The following RAPGEF5 variants were observed in gnomAD, a reference collection of about 807,000 sequenced individuals.
RAPGEF5 encodes the protein M-Ras-regulated GEF.
A neutral mutation model predicts 125.2 loss-of-function variants in RAPGEF5; 65 were observed. The observed-to-expected ratio is 0.52, with a 90% confidence interval of 0.43 to 0.64. The LOEUF (loss-of-function observed/expected upper bound fraction) is 0.64, where lower values mean the gene tolerates loss of function less well. Among genes scored for constraint, RAPGEF5 ranks in the 30% least tolerant of loss-of-function variants. The pLI, the probability that RAPGEF5 is intolerant of heterozygous loss-of-function variation, is 0.00. For synonymous variants in RAPGEF5, 391 were observed against 385.9 expected, an observed-to-expected ratio of 1.01 and a Z score of -0.16; for missense variants, 958 against 1,048.1, an observed-to-expected ratio of 0.91 and a Z score of 1.19.
intron 5 of RAPGEF5, among the ~76,000 whole-genome samples, chr7:22,302,779 C>T (rs1422093022): frequency 2.7e-5 from 4 of 148,520 alleles, no homozygotes; most frequent in African/African-American, 4.9e-5. Context: ...ACCCCACCCC[C>T]GCCTTTTTTT....
intron 20 of RAPGEF5, 93 bp downstream of exon 20, chr7:22,144,951 C>T (rs983574227): frequency 1.5e-5 from 21 of 1,407,590 alleles, no homozygotes; most frequent in Middle Eastern, 5.1e-4. Flanking sequence ...CGTTTATATC[C>T]CAACCCTTAT....
At chr7:22,198,566 C>T (rs1009633671) in intron 9 of RAPGEF5, among the ~76,000 whole-genome samples, 8 of 152,122 alleles carry the variant, frequency 5.3e-5, no homozygotes, top group African/African-American at 1.9e-4. Context: ...AGTTACTGGA[C>T]CATTAATACC....
intron 11 of RAPGEF5, among the ~76,000 whole-genome samples, chr7:22,172,551 A>C (rs1439819355): frequency 6.6e-6 from 1 of 152,198 alleles, no homozygotes; most frequent in Non-Finnish European, 1.5e-5. Flanking sequence ...GAAGCTCTAA[A>C]AATTCCCATT....
chr7:22,247,044 G>A (rs1786495201), intron 7 of RAPGEF5, among the ~76,000 whole-genome samples: 1 of 152,186 alleles, frequency 6.6e-6, no homozygotes, highest in African/African-American at 2.4e-5. Flanking sequence ...TCTGACACCA[G>A]TCAGAATGGC....
At position 22,291,227 on chromosome 7, in the gene RAPGEF5, A is replaced by G; in HGVS notation, c.695T>C (p.Ile232Thr). 2 of 1,562,240 alleles carry G rather than the reference A, an allele frequency of 1.3e-6. No individual in the cohort carries two copies. The highest frequency in any genetic ancestry group is 1.7e-6 in the Non-Finnish European group (2 of 1,156,240). Reference protein sequence around the residue: ...GGICELSHQKIEDSEESSDEI... With the variant: ...GGICELSHQKTEDSEESSDEI... ...ATCACTGCTTTCTTCGGAGTCTTCA[A>G]TTTTCTGATGAGACCTAAAAAAAAA... Residue 232 changes from isoleucine to threonine, a missense_variant, in exon 6 of 26, where the codon ATT becomes ACT. Physicochemically the swap from Ile to Thr is moderately conservative, Grantham distance 89. Coordinates refer to ENST00000665637, the MANE Select transcript of RAPGEF5 (RefSeq NM_012294.5).
intron 10 of RAPGEF5, 134 bp from the exon 11 acceptor site, chr7:22,193,589 G>C: frequency 6.4e-7 from 1 of 1,551,206 alleles, no homozygotes; most frequent in Non-Finnish European, 8.7e-7. Context: ...GGCAGCTCTC[G>C]GTCTGAGAGC....
intron 23 of RAPGEF5, among the ~76,000 whole-genome samples, chr7:22,131,421 G>A (rs1271766769): frequency 6.6e-6 from 1 of 152,172 alleles, no homozygotes; most frequent in Admixed American, 6.5e-5. Context: ...ATTCCATTAT[G>A]TGTTTAAGTC....
At chr7:22,165,346 T>A (rs1583435527) in intron 12 of RAPGEF5, among the ~76,000 whole-genome samples, 1 of 152,182 alleles carries the variant, frequency 6.6e-6, no homozygotes, top group African/African-American at 2.4e-5. Flanking sequence ...TCATTTGTTA[T>A]AAGTATATTT....
At chr7:22,165,149 G>A (rs563036407) in intron 12 of RAPGEF5, among the ~76,000 whole-genome samples, 1 of 152,110 alleles carries the variant, frequency 6.6e-6, no homozygotes, top group South Asian at 2.1e-4. Context: ...TTTGATTATC[G>A]GTAAAAAGGC....
rs368812274 is a variant in RAPGEF5, at chr7:22,145,129, G to A, written c.2101C>T (p.Leu701Phe). The A allele has an allele frequency of 2.7e-5, 43 of 1,613,710 alleles. No individual in the cohort carries two copies. Among genetic ancestry groups the A allele is most frequent in the Non-Finnish European group, 3.4e-5 (40 of 1,179,818 alleles). The change falls in exon 20 of 26, where the codon CTT becomes TTT. Residue 701 changes from leucine (L) to phenylalanine (F), a missense_variant. Transcript: ENST00000665637. ...AGCAGAATCTCCGTGGCCACCCAAA[G>A]CTGGACCTCATTGCATCTCTGGAGC... ...LLLQRCNEVQ[L>F]WVATEILLCS...
Position 22,257,400 on chromosome 7 carries a change from T to A in RAPGEF5, c.796+9564A>T, listed in dbSNP as rs111600262. Among the ~76,000 whole-genome samples the A allele has an allele frequency of 9.3e-3, 1,419 of 152,294 alleles. 30 individuals are homozygous for A. Among genetic ancestry groups the A allele is most frequent in the African/African-American group, 0.032 (1,329 of 41,554 alleles). ...ACCTCCTAAAATCACAATAAGAAGT[T>A]TACCTTTCTCTGACAGTCACTGACT... is the stretch of plus-strand genomic sequence containing the variant. On this transcript the variant is annotated intron_variant, in intron 7 of 25. Coordinates refer to ENST00000665637, the MANE Select transcript of RAPGEF5 (RefSeq NM_012294.5).
chr7:22,138,367 G>A (rs913739118), intron 21 of RAPGEF5, among the ~76,000 whole-genome samples: 10 of 152,294 alleles, frequency 6.6e-5, no homozygotes, highest in Middle Eastern at 3.4e-3. Context: ...CTGCAACAGA[G>A]ACCATGTGGC....
intron 1 of RAPGEF5, among the ~76,000 whole-genome samples, chr7:22,339,016 G>T (rs987499103): frequency 6.6e-6 from 1 of 152,212 alleles, no homozygotes. Flanking sequence ...AAGATCTCAG[G>T]AGGTGGGTGA....
intron 7 of RAPGEF5, among the ~76,000 whole-genome samples, chr7:22,250,590 T>C (rs974446337): frequency 1.2e-4 from 18 of 152,134 alleles, no homozygotes; most frequent in African/African-American, 4.3e-4. Flanking sequence ...AGCTGGGTCA[T>C]ACGGCCAGGA....
chr7:22,235,271 G>A (rs1029335363), intron 7 of RAPGEF5, among the ~76,000 whole-genome samples: 6 of 152,236 alleles, frequency 3.9e-5, no homozygotes, highest in South Asian at 2.1e-4. Flanking sequence ...TGTTCAACCT[G>A]AAATGCTGGG....
intron 11 of RAPGEF5, among the ~76,000 whole-genome samples, chr7:22,169,845 G>C (rs1262579272): frequency 3.0e-5 from 2 of 65,858 alleles, no homozygotes; most frequent in East Asian, 6.2e-4. Flanking sequence ...GTGCAACAGA[G>C]CGAGACTCTG....
intron 9 of RAPGEF5, among the ~76,000 whole-genome samples, chr7:22,199,849 T>C (rs959626318): frequency 5.9e-5 from 9 of 152,128 alleles, no homozygotes; most frequent in African/African-American, 2.2e-4. Flanking sequence ...TGGGGACCAA[T>C]TTAAAGAAGT....
Position 22,315,398 on chromosome 7 carries a change from C to G in RAPGEF5, c.361G>C (p.Asp121His). The G allele has an allele frequency of 6.5e-7, 1 of 1,540,726 alleles. No individual in the cohort carries two copies. ...IIVQAADLIK[D>H]RVNLKGFYRR... ...TAAAACCCCTTGAGGTTCACTCTGT[C>G]CTTTATCAGGTCAGCTGCTTGAACG... The change falls in exon 3 of 26, where the codon GAC (aspartate) becomes CAC (histidine). Residue 121 changes from aspartate to histidine, a missense_variant. Coordinates refer to ENST00000665637, the MANE Select transcript of RAPGEF5 (RefSeq NM_012294.5).
At chr7:22,352,438 T>C (rs1457155284) in intron 1 of RAPGEF5, among the ~76,000 whole-genome samples, 7 of 152,058 alleles carry the variant, frequency 4.6e-5, no homozygotes, top group African/African-American at 1.7e-4. Flanking sequence ...TCAATGCTCC[T>C]TGGGAAAATG....
Sources: gnomAD v4.1 joint callset for allele counts (sites outside exome capture counted in the v4.1 genomes callset) on GRCh38, gnomAD v4.1.1 for gene constraint, MANE v1.5 for transcripts, NCBI Gene and HGNC (gene_info 2026-07-23, HGNC 2026-07-21) for gene names.